The following POU6F2 variants were observed in gnomAD, a reference collection of about 807,000 sequenced individuals.
The protein encoded by POU6F2 is POU domain, class 6, transcription factor 2.
In POU6F2, 31 loss-of-function variants were observed where a neutral mutation model predicts 71.3. That is an observed-to-expected ratio of 0.43 (90% CI 0.33 to 0.59). POU6F2 has a LOEUF of 0.59. Ranked by LOEUF, POU6F2 falls within the 20% of genes least tolerant of loss-of-function variation. POU6F2 has a pLI of 0.04. For synonymous variants in POU6F2, 347 were observed against 355.7 expected (o/e 0.98, Z 0.27); for missense variants, 783 against 856.8 (o/e 0.91, Z 1.07).
At chr7:39,275,988 A>G (rs573850539) in intron 4 of POU6F2, among the ~76,000 whole-genome samples, 129 of 152,282 alleles carry the variant, frequency 8.5e-4, no homozygotes, top group Middle Eastern at 6.8e-3. Flanking sequence ...GGACATAGGC[A>G]TGGGCAAGAA....
At chr7:39,102,988 C>A (rs1422174918) in intron 2 of POU6F2, among the ~76,000 whole-genome samples, 2 of 152,042 alleles carry the variant, frequency 1.3e-5, no homozygotes, top group South Asian at 2.1e-4. Context: ...CTGTTGTTGA[C>A]CAAAACTTTG....
intron 4 of POU6F2, among the ~76,000 whole-genome samples, chr7:39,277,904 A>G (rs1784480900): frequency 6.6e-6 from 1 of 151,958 alleles, no homozygotes; most frequent in Admixed American, 6.6e-5. Context: ...TAAAAATACA[A>G]AAATTACCTG....
intron 4 of POU6F2, among the ~76,000 whole-genome samples, chr7:39,318,455 C>T (rs1187663363): frequency 6.6e-6 from 1 of 152,158 alleles, no homozygotes; most frequent in African/African-American, 2.4e-5. Flanking sequence ...ATGTGCTGAA[C>T]ACTGAATGAA....
At chr7:39,352,088 A>G (rs1786149319) in intron 5 of POU6F2, among the ~76,000 whole-genome samples, 1 of 152,300 alleles carries the variant, frequency 6.6e-6, no homozygotes, top group Middle Eastern at 3.4e-3. Context: ...TTGCTCAGCA[A>G]TCAGTAACTC....
chr7:39,176,912 C>G (rs1415346442), intron 2 of POU6F2, among the ~76,000 whole-genome samples: 1 of 152,076 alleles, frequency 6.6e-6, no homozygotes, highest in African/African-American at 2.4e-5. Flanking sequence ...CATAATGAAA[C>G]CATTGGAAGG....
At chr7:39,445,819 T>C (rs1788510879) in intron 7 of POU6F2, among the ~76,000 whole-genome samples, 1 of 152,214 alleles carries the variant, frequency 6.6e-6, no homozygotes, top group African/African-American at 2.4e-5. Flanking sequence ...AAAGTTCTTA[T>C]TATGTCTGGG....
At chr7:39,183,319 A>T (rs1367297730) in intron 2 of POU6F2, among the ~76,000 whole-genome samples, 4 of 152,186 alleles carry the variant, frequency 2.6e-5, no homozygotes, top group Non-Finnish European at 5.9e-5. Flanking sequence ...TAAAGAAAAG[A>T]GGTTTAATTG....
intron 2 of POU6F2, among the ~76,000 whole-genome samples, chr7:39,165,147 A>T (rs1326752966): frequency 6.6e-6 from 1 of 152,142 alleles, no homozygotes; most frequent in Non-Finnish European, 1.5e-5. Flanking sequence ...GGACTTTTCC[A>T]TCCTGGTGAT....
At chr7:39,155,586 A>C (rs1022406313) in intron 2 of POU6F2, among the ~76,000 whole-genome samples, 4 of 152,188 alleles carry the variant, frequency 2.6e-5, no homozygotes, top group African/African-American at 9.7e-5. Flanking sequence ...GCAAATCTAC[A>C]TCAAATGTAT....
intron 1 of POU6F2, among the ~76,000 whole-genome samples, chr7:39,012,604 A>T (rs1343275603): frequency 6.6e-6 from 1 of 152,002 alleles, no homozygotes; most frequent in East Asian, 1.9e-4. Flanking sequence ...GGCGCTCTGC[A>T]TTTTAGAGTT....
At chr7:39,055,553 C>A (rs1484228029) in intron 1 of POU6F2, among the ~76,000 whole-genome samples, 1 of 152,074 alleles carries the variant, frequency 6.6e-6, no homozygotes, top group African/African-American at 2.4e-5. Context: ...GATGTTTATC[C>A]TTAAGCTCTC....
Position 39,465,731 on chromosome 7 carries a change from T to C in POU6F2, c.*1045T>C, listed in dbSNP as rs1789056769. 1 of 152,192 alleles carries C rather than the reference T, an allele frequency of 6.6e-6. No homozygotes were observed. Among genetic ancestry groups the C allele is most frequent in the Admixed American group, 6.5e-5 (1 of 15,282 alleles). 9.4% of individuals were successfully genotyped at this position (152,192 alleles called of 1,614,324 possible). On this transcript the variant is annotated 3_prime_UTR_variant, in exon 10 of 10. Transcript: ENST00000518318. Reference sequence around the variant, plus strand: ...TGTCAACACTGGCATAAGCTGTAATTGTGCTCACTGTCCACACCAGAGCTT... The same window carrying C: ...TGTCAACACTGGCATAAGCTGTAATCGTGCTCACTGTCCACACCAGAGCTT...
At chr7:39,431,713 C>A (rs1434212841) in intron 6 of POU6F2, among the ~76,000 whole-genome samples, 1 of 152,234 alleles carries the variant, frequency 6.6e-6, no homozygotes, top group Admixed American at 6.5e-5. Context: ...TGAAGAGACT[C>A]AGCTGAGTTG....
At chr7:39,066,932 A>G (rs79811447) in intron 1 of POU6F2, among the ~76,000 whole-genome samples, 11,110 of 147,864 alleles carry the variant, frequency 0.075, 502 homozygotes, top group African/African-American at 0.13. Flanking sequence ...ACATATTAAT[A>G]TAACAGAAAT....
At chr7:39,124,553 G>A (rs564120315) in intron 2 of POU6F2, among the ~76,000 whole-genome samples, 1 of 152,204 alleles carries the variant, frequency 6.6e-6, no homozygotes, top group South Asian at 2.1e-4. Flanking sequence ...ATGTATGGAA[G>A]TATTGAAGAG....
chr7:39,204,423 T>C, intron 3 of POU6F2, 97 bp downstream of exon 3: 5 of 975,318 alleles, frequency 5.1e-6, no homozygotes, highest in Non-Finnish European at 7.5e-6. Context: ...TCCAATTGAC[T>C]CCAACAGAGC....
At chr7:39,368,865 G>A (rs1046155789) in intron 5 of POU6F2, among the ~76,000 whole-genome samples, 4 of 152,176 alleles carry the variant, frequency 2.6e-5, no homozygotes, top group Non-Finnish European at 5.9e-5. Flanking sequence ...AACACTAAGG[G>A]GAGTTTGAAA....
At chr7:39,318,570 T>A (rs1785318840) in intron 4 of POU6F2, among the ~76,000 whole-genome samples, 1 of 152,190 alleles carries the variant, frequency 6.6e-6, no homozygotes, top group Admixed American at 6.5e-5. Context: ...GAAAATACAG[T>A]GCATTTAACC....
At chr7:39,422,692 G>A (rs1453467468) in intron 6 of POU6F2, among the ~76,000 whole-genome samples, 1 of 152,162 alleles carries the variant, frequency 6.6e-6, no homozygotes, top group Non-Finnish European at 1.5e-5. Context: ...TCCACCATGT[G>A]CCTGCCATGT....
Sources: gnomAD v4.1 joint callset for allele counts (sites outside exome capture counted in the v4.1 genomes callset) on GRCh38, gnomAD v4.1.1 for gene constraint, MANE v1.5 for transcripts, NCBI Gene and HGNC (gene_info 2026-07-23, HGNC 2026-07-21) for gene names.